The following ASZ1 variants were observed in gnomAD, a reference collection of about 807,000 sequenced individuals.
The protein encoded by ASZ1 is ankyrin repeat, SAM and basic leucine zipper domain containing 1.
In ASZ1, 67 loss-of-function variants were observed where a neutral mutation model predicts 61.8. The ratio of observed to expected loss-of-function variants is 1.08; its 90% confidence interval spans 0.89 to 1.33. The LOEUF (loss-of-function observed/expected upper bound fraction) is 1.33. ASZ1 is among the 40% of genes most tolerant of loss of function. The probability of loss-of-function intolerance (pLI) is 0.00; values close to 1 mark genes in which losing one functional copy is unlikely to be tolerated. For synonymous variants in ASZ1, 193 were observed against 192.7 expected (o/e 1.00, Z -0.01); for missense variants, 577 against 554.5 (o/e 1.04, Z -0.41).
rs1012612305 is a variant in ASZ1, at chr7:117,390,403, T to C, written c.441-4594A>G. The stretch of plus-strand genomic sequence containing the variant: ...AGGCTGGTCTCAAACTCTTGGCCTC[T>C]AGCGAGCCTCCCAGCTAGGCCTCCC... On this transcript the variant is annotated intron_variant, in intron 4 of 12. Coordinates refer to ENST00000284629, the MANE Select transcript of ASZ1 (RefSeq NM_130768.3). Among the ~76,000 whole-genome samples, 8 of 152,036 alleles carry C rather than the reference T, an allele frequency of 5.3e-5. No homozygotes were observed. In the East Asian group the frequency reaches 1.4e-3, roughly 26 times the overall value.
At position 117,426,995 on chromosome 7, in the gene ASZ1, AG is replaced by A; in HGVS notation, c.106-61del. ...TATATATTTTTGTTTCCACCTCATCAGGAAACAATAATGTTTGGTTAAGTAC... is the reference window on the plus strand; with the variant it reads ...TATATATTTTTGTTTCCACCTCATCAGAAACAATAATGTTTGGTTAAGTAC... On this transcript the variant is annotated intron_variant, in intron 1 of 12. Coordinates refer to ENST00000284629, the MANE Select transcript of ASZ1 (RefSeq NM_130768.3). The A allele has an allele frequency of 2.1e-6, 3 of 1,453,724 alleles. No homozygotes were observed. The South Asian group carries it at 4.0e-5, about 19-fold the overall frequency. 90.1% of individuals were successfully genotyped at this position (1,453,724 alleles called of 1,614,324 possible).
At chr7:117,387,441 G>A (rs1333983175) in intron 4 of ASZ1, among the ~76,000 whole-genome samples, 6 of 152,018 alleles carry the variant, frequency 3.9e-5, no homozygotes, top group Admixed American at 1.3e-4. Context: ...ATCTAAATCC[G>A]AACTGTTGAT....
At chr7:117,385,508 G>A (rs749435415) in intron 5 of ASZ1, among the ~76,000 whole-genome samples, 190 bp downstream of exon 5, 19 of 152,122 alleles carry the variant, frequency 1.2e-4, no homozygotes, top group Non-Finnish European at 2.2e-4. Flanking sequence ...TGATCCGCCT[G>A]CCTCGGCCTC....
chr7:117,385,919 A>C (rs1796346861), intron 4 of ASZ1, 110 bp from the exon 5 acceptor site: 1 of 836,650 alleles, frequency 1.2e-6, no homozygotes, highest in African/African-American at 1.7e-5. Context: ...AAACGAAAAG[A>C]AATGAAAGCT....
chr7:117,384,751 A>C lies in ASZ1; in HGVS notation c.662T>G (p.Ile221Ser). Residue 221 changes from isoleucine (I) to serine (S), a missense_variant, in exon 6 of 13, where the codon ATT becomes AGT. Ile to Ser is a moderately radical substitution (Grantham distance 142). Transcript: ENST00000284629. ...CTCATGATGTTTGTTTCTTTTTGCA[A>C]TCTCACTTGGCATCTTTCCATCTTT... ...QTKDGKMPSE[I>S]AKRNKHHEIF... 1 of 1,612,104 alleles carries C rather than the reference A, an allele frequency of 6.2e-7. No individual in the cohort carries two copies. Among genetic ancestry groups the C allele is most frequent in the Non-Finnish European group, 8.5e-7 (1 of 1,179,126 alleles).
chr7:117,419,625 A>T (rs1797062181), intron 4 of ASZ1, among the ~76,000 whole-genome samples: 2 of 152,212 alleles, frequency 1.3e-5, no homozygotes, highest in Admixed American at 6.5e-5. Context: ...AATTTTAAGC[A>T]ATCTGATTCA....
chr7:117,404,054 T>C (rs1008238467), intron 4 of ASZ1, among the ~76,000 whole-genome samples: 13 of 152,102 alleles, frequency 8.5e-5, no homozygotes, highest in Admixed American at 8.5e-4. Flanking sequence ...ACAAAACTGG[T>C]CCCTGGTGCC....
At position 117,380,678 on chromosome 7, in the gene ASZ1, C is replaced by T. The variant is rs148614109; in HGVS notation, c.945+333G>A. 5.9e-3 allele frequency among the ~76,000 whole-genome samples: 899 copies of T among 151,434 alleles called. 15 individuals are homozygous for T. The highest frequency in any genetic ancestry group is 0.019 in the African/African-American group (790 of 41,388). ...AAAAGGCTTGGGAGACGTGTTAATACCCATATACATAAAAAAACTATCTCT... is the reference window on the plus strand; with the variant it reads ...AAAAGGCTTGGGAGACGTGTTAATATCCATATACATAAAAAAACTATCTCT... On this transcript the variant is annotated intron_variant, in intron 9 of 12. Coordinates refer to ENST00000284629, the MANE Select transcript of ASZ1 (RefSeq NM_130768.3).
At position 117,363,683 on chromosome 7, in the gene ASZ1, A is replaced by T; in HGVS notation, c.1341T>A (p.Asn447Lys). Residue 447 changes from asparagine to lysine, a missense_variant, in exon 13 of 13, where the codon AAT (asparagine) becomes AAA (lysine). Physicochemically the swap from Asn to Lys is moderately conservative, Grantham distance 94. Transcript: ENST00000284629. ...TAGCTGTCCTCTTCAAAATTCTACT[A>T]TTCCATGTAGATACTTCTTCCCTTA... is the stretch of plus-strand genomic sequence containing the variant. ...IQLREEVSTW[N>K]SRILKRTAIT... 1 of 1,607,364 alleles carries T rather than the reference A, an allele frequency of 6.2e-7. No homozygotes were observed. The highest frequency in any genetic ancestry group is 1.7e-4 in the Middle Eastern group (1 of 6,040).
At chr7:117,419,678 G>T (rs1797063031) in intron 4 of ASZ1, among the ~76,000 whole-genome samples, 2 of 152,108 alleles carry the variant, frequency 1.3e-5, no homozygotes, top group Admixed American at 1.3e-4. Context: ...TACATTTACT[G>T]CTTGTCTTCT....
At chr7:117,384,938 T>A in intron 5 of ASZ1, 78 bp from the exon 6 acceptor site, 1 of 1,262,796 alleles carries the variant, frequency 7.9e-7, no homozygotes, top group Non-Finnish European at 1.1e-6. Context: ...TTCAACAGTA[T>A]TTATGACACA....
intron 10 of ASZ1, among the ~76,000 whole-genome samples, chr7:117,377,644 TG>T (rs1293131377): frequency 1.3e-5 from 2 of 152,200 alleles, no homozygotes; most frequent in African/African-American, 4.8e-5. Flanking sequence ...ATAGGATTCA[TG>T]GAATTACTAC....
chr7:117,401,068 A>C (rs1052765984), intron 4 of ASZ1, among the ~76,000 whole-genome samples: 4 of 152,244 alleles, frequency 2.6e-5, no homozygotes, highest in Admixed American at 2.6e-4. Context: ...GAAATCGAAA[A>C]GCTAATAGAT....
At chr7:117,378,973 T>C (rs1250870929) in intron 10 of ASZ1, among the ~76,000 whole-genome samples, 1 of 151,374 alleles carries the variant, frequency 6.6e-6, no homozygotes, top group East Asian at 1.9e-4. Context: ...ATAATATTCA[T>C]GAAATAACAT....
At chr7:117,369,073 C>T (rs1796000106) in intron 10 of ASZ1, among the ~76,000 whole-genome samples, 1 of 152,070 alleles carries the variant, frequency 6.6e-6, no homozygotes, top group African/African-American at 2.4e-5. Flanking sequence ...TCCTAACAAC[C>T]CCTATAGGAT....
intron 4 of ASZ1, among the ~76,000 whole-genome samples, chr7:117,399,140 G>A (rs1288089912): frequency 6.6e-6 from 1 of 152,168 alleles, no homozygotes; most frequent in Non-Finnish European, 1.5e-5. Context: ...TGAGGCAGGA[G>A]GATGGCCTGA....
In ASZ1 at chr7:117,427,478, C is replaced by G. The variant is rs201983725; in HGVS notation, c.-18G>C. ...GCCGCCATGCCAGCCAAGGAAGCTC[C>G]CTGTCGGCACCGCGCGCCCTTCAGC... On this transcript the variant is annotated 5_prime_UTR_variant, in exon 1 of 13. Coordinates refer to ENST00000284629, the MANE Select transcript of ASZ1 (RefSeq NM_130768.3). 5 of 1,612,776 alleles carry G rather than the reference C, an allele frequency of 3.1e-6. No homozygotes were observed. Among genetic ancestry groups the G allele is most frequent in the Non-Finnish European group, 4.2e-6 (5 of 1,179,214 alleles).
chr7:117,422,318 G>C lies in ASZ1; in HGVS notation c.247C>G (p.Leu83Val). 1 of 1,613,664 alleles carries C rather than the reference G, an allele frequency of 6.2e-7. No individual in the cohort carries two copies. Among genetic ancestry groups the C allele is most frequent in the African/African-American group, 1.3e-5 (1 of 74,988 alleles). The stretch of plus-strand genomic sequence containing the variant: ...TTGGCAACACTAGCAGCATACATAA[G>C]GGGAGTCCATCCATACTGAAAGTTG... Reference protein sequence around the residue: ...DSNFQYGWTPLMYAASVANAE... With the variant: ...DSNFQYGWTPVMYAASVANAE... Residue 83 changes from leucine to valine, a missense_variant, in exon 3 of 13, where the codon CTT (leucine) becomes GTT (valine). Transcript: ENST00000284629.
intron 11 of ASZ1, 66 bp from the exon 12 acceptor site, chr7:117,367,531 A>G (rs1795966498): frequency 7.8e-7 from 1 of 1,283,636 alleles, no homozygotes; most frequent in Non-Finnish European, 1.0e-6. Context: ...TTATATCCAC[A>G]AAGATTATAC....
Sources: gnomAD v4.1 joint callset for allele counts (sites outside exome capture counted in the v4.1 genomes callset) on GRCh38, gnomAD v4.1.1 for gene constraint, MANE v1.5 for transcripts, NCBI Gene and HGNC (gene_info 2026-07-23, HGNC 2026-07-21) for gene names.